Variants in BICRA observed in about 807,000 individuals in gnomAD.
The protein encoded by BICRA is BRD4 interacting chromatin remodeling complex associated protein.
In BICRA, 31 loss-of-function variants were observed where a neutral mutation model predicts 96.9. That is an observed-to-expected ratio of 0.32 (90% confidence interval 0.24 to 0.43). The LOEUF (loss-of-function observed/expected upper bound fraction) is 0.43, where lower values mean the gene tolerates loss of function less well. Among genes scored for constraint, BICRA ranks in the 20% least tolerant of loss-of-function variants. The pLI is 1.00. For missense variants in BICRA, 2,283 were observed against 2,190.3 expected (o/e 1.04, Z -0.84); for synonymous variants, 1,350 against 1,071.8 (o/e 1.26, Z -5.07).
chr19:47,612,013 G>A lies in BICRA; in HGVS notation c.-108+2845G>A, dbSNP rs143203827. Among the ~76,000 whole-genome samples, 318 of 152,046 alleles carry A rather than the reference G, an allele frequency of 2.1e-3. 1 individual carries two copies. The highest frequency in any genetic ancestry group is 7.3e-3 in the African/African-American group (304 of 41,450). ...AGCGTCCCGAGTAGCTGGGATTACA[G>A]GCACCCACCACCACACCTGGCTAAA... On this transcript the variant is annotated intron_variant, in intron 1 of 14. Transcript: ENST00000594866.
chr19:47,667,754 A>G (rs1972804254), intron 1 of BICRA, among the ~76,000 whole-genome samples: 1 of 152,080 alleles, frequency 6.6e-6, no homozygotes, highest in Non-Finnish European at 1.5e-5. Context: ...TTCCAATCCG[A>G]AGCATCCCAG....
chr19:47,688,866 G>C (rs1159071107), intron 7 of BICRA, among the ~76,000 whole-genome samples: 1 of 150,752 alleles, frequency 6.6e-6, no homozygotes, highest in Admixed American at 6.6e-5. Context: ...TCTCTCTCTC[G>C]CCCGGGCTGG....
rs1050638482 is a variant in BICRA, at chr19:47,609,177, C to T, written c.-108+9C>T. 5 of 150,234 alleles carry T rather than the reference C, an allele frequency of 3.3e-5. No individual in the cohort carries two copies. The highest frequency in any genetic ancestry group is 1.2e-4 in the African/African-American group (5 of 41,140). 9.3% of individuals were successfully genotyped at this position (150,234 alleles called of 1,614,324 possible). ...GCTGCTCAAACATCAGGGTGAGTTT[C>T]TCACAATGTAGCAATTTCTCTTTAA... On this transcript the variant is annotated intron_variant, in intron 1 of 14. Transcript: ENST00000594866.
At chr19:47,683,724 A>G (rs1332244111) in intron 7 of BICRA, among the ~76,000 whole-genome samples, 1 of 151,944 alleles carries the variant, frequency 6.6e-6, no homozygotes, top group African/African-American at 2.4e-5. Flanking sequence ...AGCTGGGACT[A>G]CAGGCGCCCG....
intron 1 of BICRA, among the ~76,000 whole-genome samples, chr19:47,635,582 C>T (rs59078078): frequency 0.27 from 41,122 of 151,942 alleles, 6,029 homozygotes; most frequent in Non-Finnish European, 0.33. Context: ...CAAACAGAAG[C>T]TCGATACCTG....
intron 1 of BICRA, among the ~76,000 whole-genome samples, chr19:47,639,651 T>C (rs1420139612): frequency 8.0e-6 from 1 of 124,944 alleles, no homozygotes; most frequent in Non-Finnish European, 1.7e-5. Context: ...TTTTTTTTTT[T>C]TTTTAAGAGA....
intron 1 of BICRA, among the ~76,000 whole-genome samples, chr19:47,640,992 C>T (rs192212476): frequency 7.2e-4 from 108 of 150,080 alleles, no homozygotes; most frequent in African/African-American, 2.4e-3. Flanking sequence ...ATCCGCCTCC[C>T]GGGTTCAAGC....
chr19:47,685,807 A>G (rs1599856973), intron 7 of BICRA, among the ~76,000 whole-genome samples: 2 of 132,600 alleles, frequency 1.5e-5, no homozygotes, highest in East Asian at 2.8e-4. Context: ...GCGCATGCGT[A>G]CATTTTCCCT....
rs561579899 is a variant in BICRA at position 47,657,393 on chromosome 19, T to G, written c.-107-13050T>G. 7.3e-5 allele frequency among the ~76,000 whole-genome samples: 11 copies of G among 151,692 alleles called. No individual in the cohort carries two copies. The South Asian group carries it at 2.1e-3, about 29-fold the overall frequency. ...TAGGGGCTTTTATGAATAAGGCTGC[T>G]GTGAAATTTTTTTTTTTTTTTGAGA... On this transcript the variant is annotated intron_variant, in intron 1 of 14. Coordinates refer to ENST00000594866, the MANE Select transcript of BICRA (RefSeq NM_001394372.1).
chr19:47,614,074 G>A (rs972294810), intron 1 of BICRA, among the ~76,000 whole-genome samples: 6 of 151,850 alleles, frequency 4.0e-5, no homozygotes, highest in Non-Finnish European at 8.8e-5. Context: ...GAGAGAGAAC[G>A]GTTGGATTAG....
intron 5 of BICRA, among the ~76,000 whole-genome samples, chr19:47,676,373 G>A (rs994888131): frequency 6.6e-6 from 1 of 152,236 alleles, no homozygotes; most frequent in African/African-American, 2.4e-5. Flanking sequence ...CCTGGGCAGT[G>A]AATATGGGTG....
In BICRA at chr19:47,695,049, C is replaced by G; in HGVS notation, c.3045C>G (p.His1015Gln). The change falls in exon 9 of 15, where the codon CAC becomes CAG. Residue 1015 changes from histidine (H) to glutamine (Q), a missense_variant. Transcript: ENST00000594866. ...APSGTPTAPS[H>Q]APAPAPMAAT... ...CTGGGACCCCCACTGCCCCCAGCCA[C>G]GCCCCCGCCCCGGCACCCATGGCCG... 1.3e-6 allele frequency: 2 copies of G among 1,495,772 alleles called. 1 individual carries two copies. The highest frequency in any genetic ancestry group is 2.6e-5 in the South Asian group (2 of 78,326). 92.7% of individuals were successfully genotyped at this position (1,495,772 alleles called of 1,614,324 possible).
rs1233827709 is a variant in BICRA at position 47,698,931 on chromosome 19, A to G, written c.3398-34A>G. 4 of 1,507,474 alleles carry G rather than the reference A, an allele frequency of 2.7e-6. No individual in the cohort carries two copies. Among genetic ancestry groups the G allele is most frequent in the African/African-American group, 2.8e-5 (2 of 72,180 alleles). 93.4% of individuals were successfully genotyped at this position (1,507,474 alleles called of 1,614,324 possible). A position where few individuals can be genotyped will look rare whatever the true frequency, so the allele number is the denominator to read the frequency against. On this transcript the variant is annotated intron_variant, in intron 12 of 14. Coordinates refer to ENST00000594866, the MANE Select transcript of BICRA (RefSeq NM_001394372.1). This position sits in a 1 kb window ranked among gnomAD's most constrained non-coding sequence, Gnocchi z 4.8. ...CTGCGCATCCGCGGCCGCCCCCAACATCTCCGCCCTTGCCTCTCTTCCCTT... is the reference window on the plus strand; with the variant it reads ...CTGCGCATCCGCGGCCGCCCCCAACGTCTCCGCCCTTGCCTCTCTTCCCTT...
intron 1 of BICRA, among the ~76,000 whole-genome samples, chr19:47,611,563 T>G (rs886871496): frequency 2.0e-5 from 3 of 152,176 alleles, no homozygotes; most frequent in Admixed American, 6.5e-5. Flanking sequence ...CTGAACTGTT[T>G]GGGAATGTTG....
At chr19:47,676,555 C>T (rs370987518) in intron 5 of BICRA, among the ~76,000 whole-genome samples, 1 of 114,316 alleles carries the variant, frequency 8.7e-6, no homozygotes, top group Admixed American at 9.1e-5. Context: ...TTCCTCCCCC[C>T]ACCTTCCTTC....
Position 47,675,943 on chromosome 19 carries a change from C to G in BICRA, c.150+27C>G. ...TAAGTGCCGTGGCTCCCGATCATTG[C>G]CTGAGCTGTTGGGGCTGCCAGCGGG... On this transcript the variant is annotated intron_variant, in intron 5 of 14. Coordinates refer to ENST00000594866, the MANE Select transcript of BICRA (RefSeq NM_001394372.1). The surrounding 1 kb of genome is among the most constrained non-coding windows in gnomAD (Gnocchi z 4.7). 1 of 1,551,276 alleles carries G rather than the reference C, an allele frequency of 6.4e-7. No individual in the cohort carries two copies. Among genetic ancestry groups the G allele is most frequent in the Non-Finnish European group, 8.8e-7 (1 of 1,132,876 alleles).
chr19:47,673,326 C>A lies in BICRA; in HGVS notation c.-5-244C>A, dbSNP rs186564892. Among the ~76,000 whole-genome samples, 764 of 152,232 alleles carry A rather than the reference C, an allele frequency of 5.0e-3. 2 individuals are homozygous for A. The highest frequency in any genetic ancestry group is 8.2e-3 in the Non-Finnish European group (558 of 67,990). ...GGACTCACTTAGTCTTGGTTGATAT[C>A]ATCATTATCATCATCAGGTGCTGGG... is the stretch of plus-strand genomic sequence containing the variant. On this transcript the variant is annotated intron_variant, in intron 2 of 14. Coordinates refer to ENST00000594866, the MANE Select transcript of BICRA (RefSeq NM_001394372.1).
chr19:47,661,427 C>A (rs1050743222), intron 1 of BICRA, among the ~76,000 whole-genome samples: 2 of 151,438 alleles, frequency 1.3e-5, no homozygotes, highest in African/African-American at 4.9e-5. Flanking sequence ...CGGTGGCCAG[C>A]GAGGAAGGGG....
chr19:47,698,928 A>G lies in BICRA; in HGVS notation c.3398-37A>G. 3 of 1,497,356 alleles carry G rather than the reference A, an allele frequency of 2.0e-6. No homozygotes were observed. The highest frequency in any genetic ancestry group is 2.7e-6 in the Non-Finnish European group (3 of 1,095,184). 92.8% of individuals were successfully genotyped at this position (1,497,356 alleles called of 1,614,324 possible). A position where few individuals can be genotyped will look rare whatever the true frequency, so the allele number is the denominator to read the frequency against. On this transcript the variant is annotated intron_variant, in intron 12 of 14. Coordinates refer to ENST00000594866, the MANE Select transcript of BICRA (RefSeq NM_001394372.1). This position sits in a 1 kb window ranked among gnomAD's most constrained non-coding sequence, Gnocchi z 4.8. ...TTCCTGCGCATCCGCGGCCGCCCCC[A>G]ACATCTCCGCCCTTGCCTCTCTTCC...
Sources: allele counts gnomAD v4.1 joint callset (sites outside exome capture counted in the v4.1 genomes callset), GRCh38; gene constraint gnomAD v4.1.1; non-coding constraint Gnocchi (gnomAD v3.1); transcripts MANE v1.5; gene names NCBI Gene and HGNC (gene_info 2026-07-23, HGNC 2026-07-21).